Variants in CCDC60 observed in about 807,000 individuals in gnomAD.
CCDC60 encodes the protein coiled-coil domain containing 60, also known as coiled-coil domain-containing protein 60.
CCDC60 carries 54 observed loss-of-function variants against 63.5 expected under a neutral mutation model. That is an observed-to-expected ratio of 0.85 (90% confidence interval 0.68 to 1.07). The LOEUF (loss-of-function observed/expected upper bound fraction) is 1.07, where lower values mean the gene tolerates loss of function less well. Ranked by LOEUF, CCDC60 falls within the 50% of genes least tolerant of loss-of-function variation. CCDC60 has a pLI of 0.00. For missense variants in CCDC60, 651 were observed against 684.3 expected, an observed-to-expected ratio of 0.95 and a Z score of 0.54; for synonymous variants, 206 against 238.8, an observed-to-expected ratio of 0.86 and a Z score of 1.27.
intron 4 of CCDC60, among the ~76,000 whole-genome samples, chr12:119,484,909 G>T (rs114051826): frequency 0.016 from 2,411 of 152,218 alleles, 63 homozygotes; most frequent in African/African-American, 0.054. Context: ...AAGTAATCAG[G>T]TAGTTACAGC....
rs1956794469 is a variant in CCDC60, at chr12:119,420,566, G to A, written c.91-8117G>A. Among the ~76,000 whole-genome samples the A allele has an allele frequency of 6.6e-6, 1 of 152,170 alleles. No homozygotes were observed. The highest frequency in any genetic ancestry group is 1.5e-5 in the Non-Finnish European group (1 of 68,034). On this transcript the variant is annotated intron_variant, in intron 1 of 13. Coordinates refer to ENST00000327554, the MANE Select transcript of CCDC60 (RefSeq NM_178499.5). The surrounding 1 kb of genome is among the most constrained non-coding windows in gnomAD (Gnocchi z 4.1). ...TAGAAGGATGGTTATTAGAGGCTGGGAAGGATAGTGGGGGATGGGGGGCAG... is the reference window on the plus strand; with the variant it reads ...TAGAAGGATGGTTATTAGAGGCTGGAAAGGATAGTGGGGGATGGGGGGCAG...
intron 2 of CCDC60, among the ~76,000 whole-genome samples, chr12:119,462,593 A>AAAAAGGTAAATG (rs1370438849): frequency 6.6e-6 from 1 of 152,166 alleles, no homozygotes; most frequent in Non-Finnish European, 1.5e-5. Context: ...TAATTACTAC[A>AAAAAGGTAAATG]AAAAGGTAAA....
intron 1 of CCDC60, among the ~76,000 whole-genome samples, chr12:119,376,198 A>G (rs1042238391): frequency 5.9e-5 from 9 of 152,230 alleles, no homozygotes; most frequent in Non-Finnish European, 1.2e-4. Flanking sequence ...CAATTGGAAC[A>G]GCAGAGGCAA....
At chr12:119,397,383 G>C (rs575035225) in intron 1 of CCDC60, among the ~76,000 whole-genome samples, 42 of 152,124 alleles carry the variant, frequency 2.8e-4, no homozygotes, top group Non-Finnish European at 5.3e-4. Context: ...GTTTTACAGA[G>C]AGCTGATTGG....
chr12:119,520,306 C>T lies in CCDC60; in HGVS notation c.1040+114C>T, dbSNP rs902589091. ...GGAAAGTGGGACAGGAAAGAGGGAACTTTTTCCTTCTTATGACCTCACTAG... is the reference window on the plus strand; with the variant it reads ...GGAAAGTGGGACAGGAAAGAGGGAATTTTTTCCTTCTTATGACCTCACTAG... On this transcript the variant is annotated intron_variant, in intron 9 of 13. Transcript: ENST00000327554. The T allele has an allele frequency of 8.3e-6, 7 of 844,546 alleles. No individual in the cohort carries two copies. In the South Asian group the frequency reaches 8.4e-5, roughly 10 times the overall value. The allele number at this position is 844,546 out of a possible 1,614,324, so 52.3% of individuals were successfully genotyped here.
intron 2 of CCDC60, among the ~76,000 whole-genome samples, chr12:119,469,511 C>T (rs1951015839): frequency 6.6e-6 from 1 of 152,120 alleles, no homozygotes. Flanking sequence ...CCACCCGCCC[C>T]GGCCTCCCAA....
intron 1 of CCDC60, among the ~76,000 whole-genome samples, chr12:119,375,504 C>T (rs1445565648): frequency 6.6e-6 from 1 of 152,170 alleles, no homozygotes; most frequent in Non-Finnish European, 1.5e-5. Flanking sequence ...CACATCCCTC[C>T]ACCCTACCTA....
chr12:119,503,047 G>C (rs186552602), intron 6 of CCDC60, among the ~76,000 whole-genome samples: 52 of 152,080 alleles, frequency 3.4e-4, no homozygotes, highest in African/African-American at 1.2e-3. Flanking sequence ...CATGGTGGTG[G>C]GCACCTGTAA....
intron 2 of CCDC60, among the ~76,000 whole-genome samples, chr12:119,436,541 C>CTTTTTTT (rs34712445): frequency 6.9e-6 from 1 of 143,990 alleles, no homozygotes; most frequent in African/African-American, 2.6e-5. Context: ...GATGCCAATA[C>CTTTTTTT]TTTTTTTTTT....
intron 5 of CCDC60, among the ~76,000 whole-genome samples, chr12:119,496,382 T>A (rs1205276593): frequency 1.3e-5 from 2 of 152,120 alleles, no homozygotes; most frequent in Non-Finnish European, 2.9e-5. Flanking sequence ...TTAAAAGAGA[T>A]TTGACAGTGC....
At chr12:119,529,113 C>T (rs186331623) in intron 12 of CCDC60, among the ~76,000 whole-genome samples, 2 of 152,180 alleles carry the variant, frequency 1.3e-5, no homozygotes, top group East Asian at 3.9e-4. Flanking sequence ...ACTGCATCCC[C>T]CCAAGTAACG....
chr12:119,522,374 C>T (rs1368554833), intron 9 of CCDC60, among the ~76,000 whole-genome samples: 2 of 152,122 alleles, frequency 1.3e-5, no homozygotes, highest in East Asian at 3.9e-4. Context: ...GTCATCCACA[C>T]CTAGAAATGG....
At chr12:119,508,437 C>A (rs923129387) in intron 7 of CCDC60, among the ~76,000 whole-genome samples, 1 of 150,862 alleles carries the variant, frequency 6.6e-6, no homozygotes, top group Admixed American at 6.6e-5. Flanking sequence ...GCTGAAATCA[C>A]ACCACTGCAC....
intron 1 of CCDC60, among the ~76,000 whole-genome samples, chr12:119,370,744 T>G (rs1417697806): frequency 6.6e-6 from 1 of 152,190 alleles, no homozygotes; most frequent in Non-Finnish European, 1.5e-5. Context: ...GTTTAGAATA[T>G]GAGGCAGGCA....
chr12:119,347,121 C>G (rs1955605642), intron 1 of CCDC60, among the ~76,000 whole-genome samples: 1 of 151,970 alleles, frequency 6.6e-6, no homozygotes, highest in South Asian at 2.1e-4. Flanking sequence ...CGTGCCCGGC[C>G]TAGACTCATC....
intron 5 of CCDC60, among the ~76,000 whole-genome samples, chr12:119,494,885 G>A (rs1951684841): frequency 6.6e-6 from 1 of 152,234 alleles, no homozygotes; most frequent in African/African-American, 2.4e-5. Flanking sequence ...GAAGGCTGAG[G>A]CAAGAGAATT....
At chr12:119,447,390 C>T (rs1302922919) in intron 2 of CCDC60, among the ~76,000 whole-genome samples, 1 of 152,170 alleles carries the variant, frequency 6.6e-6, no homozygotes, top group Non-Finnish European at 1.5e-5. Context: ...AGCGAGCAGT[C>T]CCTGCCATCA....
At chr12:119,432,989 G>A (rs1173191052) in intron 2 of CCDC60, among the ~76,000 whole-genome samples, 1 of 152,134 alleles carries the variant, frequency 6.6e-6, no homozygotes, top group Non-Finnish European at 1.5e-5. Flanking sequence ...CTATGTGGTG[G>A]AAATAGTATA....
chr12:119,500,029 A>G, intron 5 of CCDC60, 49 bp from the exon 6 acceptor site: 1 of 1,287,476 alleles, frequency 7.8e-7, no homozygotes. Context: ...AACTTGTAAT[A>G]AACCAAGACT....
Sources: allele counts gnomAD v4.1 joint callset (sites outside exome capture counted in the v4.1 genomes callset), GRCh38; gene constraint gnomAD v4.1.1; non-coding constraint Gnocchi (gnomAD v3.1); transcripts MANE v1.5; gene names NCBI Gene and HGNC (gene_info 2026-07-23, HGNC 2026-07-21).